Variants in CATSPERB observed in about 807,000 individuals in gnomAD.
The protein encoded by CATSPERB is cation channel sperm-associated auxiliary subunit beta.
Under a neutral mutation model 128.3 loss-of-function variants are expected in CATSPERB, and 93 were observed. The ratio of observed to expected loss-of-function variants is 0.72; its 90% CI spans 0.61 to 0.86. The LOEUF is 0.86. Among genes scored for constraint, CATSPERB ranks in the 40% least tolerant of loss-of-function variants. The pLI, the probability that CATSPERB is intolerant of heterozygous loss-of-function variation, is 0.00. For synonymous variants in CATSPERB, 381 were observed against 448.8 expected (o/e 0.85, Z 1.91); for missense variants, 1,153 against 1,329.5 (o/e 0.87, Z 2.06).
At chr14:91,641,450 A>G (rs1266892979) in intron 15 of CATSPERB, among the ~76,000 whole-genome samples, 1 of 152,118 alleles carries the variant, frequency 6.6e-6, no homozygotes, top group Non-Finnish European at 1.5e-5. Flanking sequence ...CCCCAGTACC[A>G]TTTATTAAAT....
At chr14:91,671,378 A>G (rs1301971128) in intron 13 of CATSPERB, among the ~76,000 whole-genome samples, 3 of 152,134 alleles carry the variant, frequency 2.0e-5, no homozygotes, top group Admixed American at 6.5e-5. Context: ...GTTCAAGACC[A>G]GCCTGGCCAA....
rs1191068802 is a variant in CATSPERB, at chr14:91,604,567, G to A, written c.2709+3727C>T. The stretch of plus-strand genomic sequence containing the variant: ...CAGGAGAATTTGGCTGGAACTGCAT[G>A]GAGGACTGCAGAGATTCCTCTCCAT... On this transcript the variant is annotated intron_variant, in intron 22 of 26. Transcript: ENST00000256343. 9 of 1,609,528 alleles carry A rather than the reference G, an allele frequency of 5.6e-6. No individual in the cohort carries two copies. In the East Asian group the frequency reaches 1.3e-4, roughly 24 times the overall value.
At chr14:91,705,149 C>G (rs539065565) in intron 6 of CATSPERB, among the ~76,000 whole-genome samples, 1 of 152,032 alleles carries the variant, frequency 6.6e-6, no homozygotes, top group South Asian at 2.1e-4. Context: ...AGAACAGGGA[C>G]AGTTATCATT....
At position 91,621,823 on chromosome 14, in the gene CATSPERB, G is replaced by A. The variant is rs772377586; in HGVS notation, c.2045C>T (p.Thr682Ile). Residue 682 changes from threonine (T) to isoleucine (I), a missense_variant, in exon 19 of 27, where the codon ACC (threonine) becomes ATC (isoleucine). Physicochemically the swap from Thr to Ile is moderately conservative, Grantham distance 89. Transcript: ENST00000256343. ...ATTGTTGGGTGCACTTTCAGGCATGGTAGCAATGGCTAATGCATTCTTATT... is the reference window on the plus strand; with the variant it reads ...ATTGTTGGGTGCACTTTCAGGCATGATAGCAATGGCTAATGCATTCTTATT... The part of the protein sequence containing the change: ...LDNKNALAIA[T>I]MPESAPNNMT... The A allele has an allele frequency of 3.1e-6, 5 of 1,614,006 alleles. No homozygotes were observed. Among genetic ancestry groups the A allele is most frequent in the African/African-American group, 2.7e-5 (2 of 74,932 alleles).
chr14:91,696,465 T>C (rs899217871), intron 7 of CATSPERB, among the ~76,000 whole-genome samples: 6 of 152,164 alleles, frequency 3.9e-5, no homozygotes, highest in Non-Finnish European at 8.8e-5. Context: ...AAACTGTGAG[T>C]GGCCTTGAGA....
intron 11 of CATSPERB, among the ~76,000 whole-genome samples, chr14:91,674,623 A>G (rs1566727417): frequency 1.3e-5 from 2 of 152,080 alleles, no homozygotes; most frequent in African/African-American, 2.4e-5. Context: ...TGCCTTGAAA[A>G]CATACTTTGG....
At chr14:91,598,292 T>C (rs1170845366) in intron 22 of CATSPERB, among the ~76,000 whole-genome samples, 8 of 152,002 alleles carry the variant, frequency 5.3e-5, no homozygotes, top group African/African-American at 1.9e-4. Flanking sequence ...ACAAAACTTG[T>C]TCACTTTTTT....
intron 15 of CATSPERB, among the ~76,000 whole-genome samples, chr14:91,653,370 G>C (rs1894739828): frequency 6.6e-6 from 1 of 152,154 alleles, no homozygotes; most frequent in Non-Finnish European, 1.5e-5. Context: ...GCAATATTGA[G>C]AGAAGGAAGG....
At chr14:91,653,977 T>A (rs1369348190) in intron 15 of CATSPERB, among the ~76,000 whole-genome samples, 1 of 152,158 alleles carries the variant, frequency 6.6e-6, no homozygotes, top group Non-Finnish European at 1.5e-5. Flanking sequence ...TACACTATGT[T>A]AGAGCAAATA....
chr14:91,712,741 C>T (rs750621597), intron 5 of CATSPERB, among the ~76,000 whole-genome samples: 65 of 152,288 alleles, frequency 4.3e-4, no homozygotes, highest in Non-Finnish European at 7.9e-4. Context: ...AGGAACAAGG[C>T]GGGAACCAAC....
chr14:91,586,571 A>AAAGAGAGAGAGAGAGAGAGAGAGAGAG (rs1555358774), intron 26 of CATSPERB, among the ~76,000 whole-genome samples: 11 of 114,240 alleles, frequency 9.6e-5, no homozygotes, highest in African/African-American at 4.0e-4. Flanking sequence ...GAGAGAGAGA[A>AAAGAGAGAGAGAGAGAGAGAGAGAGAG]AGAGAGAGAG....
chr14:91,668,252 T>C lies in CATSPERB; in HGVS notation c.1287+1562A>G, dbSNP rs544984519. ...TTTTCTGTCTAGCTAGAAAACTAGA[T>C]TGTAAACACACCAATCCACGCTCTG... On this transcript the variant is annotated intron_variant, in intron 14 of 26. Transcript: ENST00000256343. Among the ~76,000 whole-genome samples the C allele has an allele frequency of 9.2e-4, 137 of 148,496 alleles. 2 individuals carry two copies. The South Asian group carries it at 0.017, about 18-fold the overall frequency.
At chr14:91,626,560 A>C (rs1178701384) in intron 17 of CATSPERB, among the ~76,000 whole-genome samples, 2 of 151,920 alleles carry the variant, frequency 1.3e-5, no homozygotes, top group African/African-American at 4.8e-5. Context: ...GTTCCTGATA[A>C]AAGAATGAAT....
At chr14:91,654,257 C>G (rs1458093839) in intron 15 of CATSPERB, among the ~76,000 whole-genome samples, 2 of 152,214 alleles carry the variant, frequency 1.3e-5, no homozygotes, top group Admixed American at 1.3e-4. Context: ...CAGAAATCAG[C>G]TTGGGTACCA....
intron 6 of CATSPERB, among the ~76,000 whole-genome samples, chr14:91,707,629 C>A (rs2139766484): frequency 9.1e-6 from 1 of 109,736 alleles, no homozygotes; most frequent in African/African-American, 3.6e-5. Flanking sequence ...GACACAGTCT[C>A]ACTCTGTTGC....
At position 91,666,879 on chromosome 14, in the gene CATSPERB, TTA is replaced by T. The variant is rs1244006217; in HGVS notation, c.1287+2933_1287+2934del. Among the ~76,000 whole-genome samples the T allele has an allele frequency of 5.9e-5, 9 of 152,176 alleles. No homozygotes were observed. In the East Asian group the frequency reaches 1.3e-3, roughly 23 times the overall value. On this transcript the variant is annotated intron_variant, in intron 14 of 26. Transcript: ENST00000256343. ...CCAATCAAGCATGACTGCCAACAAA[TTA>T]TAGTCCAGATTTATGCCGCCCGAGA...
At chr14:91,719,326 C>T (rs1311527190) in intron 5 of CATSPERB, 92 bp downstream of exon 5, 9 of 894,010 alleles carry the variant, frequency 1.0e-5, no homozygotes, top group Non-Finnish European at 3.3e-6. Flanking sequence ...CATGACATAA[C>T]AAATCACTTT....
intron 4 of CATSPERB, 26 bp downstream of exon 4, chr14:91,723,023 C>T (rs751058262): frequency 6.9e-7 from 1 of 1,456,008 alleles, no homozygotes; most frequent in East Asian, 2.5e-5. Context: ...AATAACATAT[C>T]ACAGAGTAAG....
At chr14:91,587,422 C>A (rs1893322680) in intron 25 of CATSPERB, 146 bp from the exon 26 acceptor site, 1 of 327,132 alleles carries the variant, frequency 3.1e-6, no homozygotes, top group South Asian at 9.8e-5. Context: ...CGGACATACA[C>A]ATCATGCATC....
Sources: allele counts gnomAD v4.1 joint callset (sites outside exome capture counted in the v4.1 genomes callset), GRCh38; gene constraint gnomAD v4.1.1; transcripts MANE v1.5; gene names NCBI Gene and HGNC (gene_info 2026-07-23, HGNC 2026-07-21).